The following NEK7 variants were observed in gnomAD, a reference collection of about 807,000 sequenced individuals.
The protein encoded by NEK7 is serine/threonine-protein kinase Nek7.
Under a neutral mutation model 44.6 loss-of-function variants are expected in NEK7, and 18 were observed. The observed-to-expected ratio is 0.40, with a 90% CI of 0.28 to 0.60. NEK7 has a LOEUF of 0.60. NEK7 is among the 20% of genes least tolerant of loss of function. The pLI, the probability that NEK7 is intolerant of heterozygous loss-of-function variation, is 0.38. For synonymous variants in NEK7, 130 were observed against 121.1 expected, an observed-to-expected ratio of 1.07 and a Z score of -0.48; for missense variants, 256 against 366.5, an observed-to-expected ratio of 0.70 and a Z score of 2.46.
intron 1 of NEK7, among the ~76,000 whole-genome samples, chr1:198,176,610 G>A (rs1373701638): frequency 2.0e-5 from 3 of 151,456 alleles, no homozygotes; most frequent in Non-Finnish European, 2.9e-5. Context: ...ATATATAATG[G>A]GTATGTAGAA....
intron 9 of NEK7, among the ~76,000 whole-genome samples, chr1:198,317,613 C>G (rs1162573370): frequency 2.6e-5 from 4 of 152,150 alleles, no homozygotes; most frequent in Admixed American, 6.6e-5. Context: ...GGTTTCTGAA[C>G]CAGCTTGAAG....
intron 1 of NEK7, among the ~76,000 whole-genome samples, chr1:198,158,893 G>A (rs1664002728): frequency 6.6e-6 from 1 of 152,162 alleles, no homozygotes; most frequent in Admixed American, 6.5e-5. Flanking sequence ...TAGGGGAGAG[G>A]TGTTAGAGCT....
intron 2 of NEK7, among the ~76,000 whole-genome samples, chr1:198,244,403 C>T (rs1055964583): frequency 6.6e-6 from 1 of 152,030 alleles, no homozygotes; most frequent in Admixed American, 6.5e-5. Context: ...GTGTCCTTGC[C>T]TTCAAATTTA....
intron 1 of NEK7, among the ~76,000 whole-genome samples, chr1:198,196,282 A>G (rs1665234296): frequency 6.6e-6 from 1 of 152,242 alleles, no homozygotes; most frequent in African/African-American, 2.4e-5. Flanking sequence ...AAGATGCATG[A>G]GAACAGAGTT....
intron 1 of NEK7, among the ~76,000 whole-genome samples, chr1:198,203,291 AT>A (rs1225095204): frequency 2.0e-5 from 3 of 152,158 alleles, no homozygotes; most frequent in African/African-American, 7.2e-5. Flanking sequence ...TCCACTGAAG[AT>A]TTTTTTAAAG....
intron 3 of NEK7, chr1:198,256,321 C>T: frequency 6.3e-7 from 1 of 1,598,598 alleles, no homozygotes; most frequent in Non-Finnish European, 8.5e-7. Flanking sequence ...TGGCCATTTT[C>T]CTGCAGGTTT....
intron 9 of NEK7, among the ~76,000 whole-genome samples, chr1:198,301,317 G>A (rs12081363): frequency 0.11 from 16,792 of 152,222 alleles, 1,235 homozygotes; most frequent in East Asian, 0.41. Flanking sequence ...TTGGGAGGCC[G>A]AGGCGGGCGG....
At chr1:198,200,761 G>A (rs1558053131) in intron 1 of NEK7, among the ~76,000 whole-genome samples, 1 of 152,082 alleles carries the variant, frequency 6.6e-6, no homozygotes, top group Non-Finnish European at 1.5e-5. Flanking sequence ...ATATTGGCCA[G>A]GCTGGTCTCA....
chr1:198,217,800 A>G (rs923958195), intron 1 of NEK7, among the ~76,000 whole-genome samples: 4 of 116,118 alleles, frequency 3.4e-5, no homozygotes, highest in Admixed American at 9.5e-5. Flanking sequence ...GAACAGGTTA[A>G]TAATCAAATC....
intron 1 of NEK7, among the ~76,000 whole-genome samples, chr1:198,201,131 T>C (rs1214779362): frequency 1.3e-5 from 2 of 152,232 alleles, no homozygotes; most frequent in African/African-American, 4.8e-5. Context: ...TTTTGTTTTT[T>C]TAAGTGGAAG....
intron 1 of NEK7, among the ~76,000 whole-genome samples, chr1:198,168,955 T>C (rs1253361296): frequency 2.6e-5 from 4 of 152,136 alleles, no homozygotes; most frequent in Admixed American, 1.3e-4. Flanking sequence ...GGGAAAGGAA[T>C]ATGGGGAAGC....
intron 1 of NEK7, among the ~76,000 whole-genome samples, chr1:198,189,799 T>C (rs1214274420): frequency 1.3e-5 from 2 of 152,180 alleles, no homozygotes; most frequent in African/African-American, 4.8e-5. Flanking sequence ...TAAAAACCTA[T>C]AAATTGTAAT....
At chr1:198,264,315 T>G (rs1450405538) in intron 5 of NEK7, 80 bp downstream of exon 5, 12 of 987,862 alleles carry the variant, frequency 1.2e-5, no homozygotes, top group Non-Finnish European at 1.7e-5. Context: ...CATAGGGATA[T>G]TAGATATTTT....
At chr1:198,170,129 G>A (rs1664393621) in intron 1 of NEK7, among the ~76,000 whole-genome samples, 1 of 152,216 alleles carries the variant, frequency 6.6e-6, no homozygotes, top group East Asian at 1.9e-4. Flanking sequence ...GGTCTAATCT[G>A]TGAATGGTCA....
At position 198,321,820 on chromosome 1, in the gene NEK7, A is replaced by G. The variant is rs988206834; in HGVS notation, c.*2298A>G. 6.6e-6 allele frequency: 1 copy of G among 152,258 alleles called. No homozygotes were observed. The highest frequency in any genetic ancestry group is 3.4e-3 in the Middle Eastern group (1 of 292). The allele number at this position is 152,258 out of a possible 1,614,324, so 9.4% of individuals were successfully genotyped here. ...TATAGTCACCTATAAAATGTTCTTT[A>G]TATGTGTTCATAAGTAAATTTTATA... On this transcript the variant is annotated 3_prime_UTR_variant, in exon 10 of 10. Coordinates refer to ENST00000367385, the MANE Select transcript of NEK7 (RefSeq NM_133494.3).
intron 1 of NEK7, among the ~76,000 whole-genome samples, chr1:198,229,412 C>G (rs969081337): frequency 1.3e-5 from 2 of 152,146 alleles, no homozygotes; most frequent in African/African-American, 4.8e-5. Flanking sequence ...GCAAATAAAT[C>G]AAACCCAGAG....
intron 2 of NEK7, among the ~76,000 whole-genome samples, chr1:198,245,594 A>C (rs938378341): frequency 6.6e-6 from 1 of 152,236 alleles, no homozygotes; most frequent in Non-Finnish European, 1.5e-5. Context: ...TTCACAGTGC[A>C]CTTGGGAAAT....
chr1:198,209,153 CTTT>C (rs11389228), intron 1 of NEK7, among the ~76,000 whole-genome samples: 2 of 137,304 alleles, frequency 1.5e-5, no homozygotes, highest in African/African-American at 2.7e-5. Context: ...TATATATATA[CTTT>C]TTTTTTTTTT....
chr1:198,160,890 A>C (rs1664084348), intron 1 of NEK7, among the ~76,000 whole-genome samples: 1 of 152,154 alleles, frequency 6.6e-6, no homozygotes, highest in African/African-American at 2.4e-5. Context: ...GTGTATTTTC[A>C]CAAAATTTTT....
Sources: gnomAD v4.1 joint callset for allele counts (sites outside exome capture counted in the v4.1 genomes callset) on GRCh38, gnomAD v4.1.1 for gene constraint, MANE v1.5 for transcripts, NCBI Gene and HGNC (gene_info 2026-07-23, HGNC 2026-07-21) for gene names.